Variants in SPON1 observed in about 807,000 individuals in gnomAD.
SPON1 encodes the protein spondin 1.
A neutral mutation model predicts 111.7 loss-of-function variants in SPON1; 52 were observed. The ratio of observed to expected loss-of-function variants is 0.47; its 90% CI spans 0.37 to 0.59. SPON1 has a LOEUF of 0.59. SPON1 is among the 20% of genes least tolerant of loss of function. The pLI, the probability that SPON1 is intolerant of heterozygous loss-of-function variation, is 0.00. For missense variants in SPON1, 957 were observed against 1,068.5 expected (o/e 0.90, Z 1.46); for synonymous variants, 410 against 395.8 (o/e 1.04, Z -0.43).
intron 6 of SPON1, among the ~76,000 whole-genome samples, chr11:14,225,255 G>A (rs1848724750): frequency 6.6e-6 from 1 of 152,106 alleles, no homozygotes; most frequent in South Asian, 2.1e-4. Context: ...TTATCTGTGG[G>A]TAGTGGGATT....
chr11:14,019,428 T>TTA (rs1234436939), intron 2 of SPON1, among the ~76,000 whole-genome samples: 1 of 150,642 alleles, frequency 6.6e-6, no homozygotes, highest in Non-Finnish European at 1.5e-5. Flanking sequence ...TTGTATATGA[T>TTA]TATATATATA....
chr11:14,195,776 G>T (rs1290284032), intron 6 of SPON1, among the ~76,000 whole-genome samples: 1 of 152,120 alleles, frequency 6.6e-6, no homozygotes, highest in African/African-American at 2.4e-5. Flanking sequence ...GAGTGGATTT[G>T]GGAGTCACAG....
At chr11:14,124,444 T>C (rs1433101725) in intron 5 of SPON1, among the ~76,000 whole-genome samples, 1 of 152,202 alleles carries the variant, frequency 6.6e-6, no homozygotes, top group Non-Finnish European at 1.5e-5. Context: ...TGTGTTTGCC[T>C]TTATCAAAGT....
rs575317363 is a variant in SPON1, at chr11:14,092,535, T to A, written c.676+12514T>A. 1.2e-4 allele frequency among the ~76,000 whole-genome samples: 19 copies of A among 152,300 alleles called. No homozygotes were observed. In the East Asian group the frequency reaches 3.3e-3, roughly 26 times the overall value. ...GCAGGTGGGCCACATCTGCCGAGGC[T>A]CTTCTCAACCATTTTACAAAATGGT... On this transcript the variant is annotated intron_variant, in intron 5 of 15. Transcript: ENST00000576479.
intron 6 of SPON1, among the ~76,000 whole-genome samples, chr11:14,177,321 T>G (rs1279433173): frequency 1.3e-5 from 2 of 152,048 alleles, no homozygotes; most frequent in East Asian, 3.9e-4. Flanking sequence ...ATTACGGTCA[T>G]GAACCACTGC....
At chr11:14,237,797 T>C (rs1848884066) in intron 6 of SPON1, among the ~76,000 whole-genome samples, 2 of 152,232 alleles carry the variant, frequency 1.3e-5, no homozygotes, top group South Asian at 4.1e-4. Context: ...GAACATGGTC[T>C]GATATTCTTC....
intron 2 of SPON1, among the ~76,000 whole-genome samples, chr11:14,014,425 CTG>C (rs1554914089): frequency 6.6e-6 from 1 of 152,172 alleles, no homozygotes; most frequent in Non-Finnish European, 1.5e-5. Context: ...TCCAGATAAA[CTG>C]TTAGTGCATC....
intron 7 of SPON1, 112 bp from the exon 8 acceptor site, chr11:14,254,416 G>A (rs1301515676): frequency 3.0e-5 from 30 of 987,752 alleles, no homozygotes; most frequent in East Asian, 1.0e-4. Flanking sequence ...GGGAGACCAC[G>A]AATGTGGATA....
intron 6 of SPON1, among the ~76,000 whole-genome samples, chr11:14,202,771 C>G (rs975651126): frequency 1.3e-5 from 2 of 152,154 alleles, no homozygotes; most frequent in African/African-American, 4.8e-5. Context: ...ATTTTACTCA[C>G]TCAACTCTCA....
intron 5 of SPON1, among the ~76,000 whole-genome samples, chr11:14,130,029 A>T (rs1847509411): frequency 1.3e-5 from 2 of 152,182 alleles, no homozygotes; most frequent in Non-Finnish European, 2.9e-5. Context: ...ACAACTCGGG[A>T]TGAAATTCAG....
At chr11:14,017,881 C>T (rs1848454582) in intron 2 of SPON1, among the ~76,000 whole-genome samples, 1 of 152,172 alleles carries the variant, frequency 6.6e-6, no homozygotes. Context: ...TTTTAGGCCC[C>T]TTGTGTTTTT....
At chr11:13,982,293 G>A (rs886384380) in intron 1 of SPON1, among the ~76,000 whole-genome samples, 4 of 152,094 alleles carry the variant, frequency 2.6e-5, no homozygotes, top group African/African-American at 9.7e-5. Context: ...TTATCTGCAG[G>A]GGGCTACTGT....
rs541505390 is a variant in SPON1 at position 13,981,750 on chromosome 11, C to T, written c.239-1097C>T. 2.2e-4 allele frequency among the ~76,000 whole-genome samples: 34 copies of T among 152,298 alleles called. No homozygotes were observed. In the South Asian group the frequency reaches 6.6e-3, roughly 30 times the overall value. The stretch of plus-strand genomic sequence containing the variant: ...AACATAAGTTTATTTCCAGCTCATG[C>T]GAAGTACAGTATGGATGTTTCTGGT... On this transcript the variant is annotated intron_variant, in intron 1 of 15. Transcript: ENST00000576479.
chr11:14,050,672 G>A (rs1461542072), intron 3 of SPON1, among the ~76,000 whole-genome samples: 3 of 152,084 alleles, frequency 2.0e-5, no homozygotes, highest in Non-Finnish European at 1.5e-5. Context: ...TGAAGGGTGG[G>A]GGTGGTGATT....
chr11:13,973,687 G>C (rs1457456894), intron 1 of SPON1, among the ~76,000 whole-genome samples: 1 of 152,164 alleles, frequency 6.6e-6, no homozygotes, highest in Non-Finnish European at 1.5e-5. Context: ...TTTAGCAAAT[G>C]TTTTTATATA....
intron 3 of SPON1, among the ~76,000 whole-genome samples, chr11:14,073,604 T>G (rs1554921128): frequency 6.6e-6 from 1 of 152,158 alleles, no homozygotes; most frequent in Non-Finnish European, 1.5e-5. Flanking sequence ...CTGCCACCTT[T>G]TTTCAGGGGA....
At chr11:14,244,242 C>T (rs921459519) in intron 7 of SPON1, among the ~76,000 whole-genome samples, 4 of 152,284 alleles carry the variant, frequency 2.6e-5, no homozygotes, top group African/African-American at 9.6e-5. Flanking sequence ...AAATACCGGC[C>T]AGGCGCAGTG....
chr11:14,111,714 C>T (rs1021127772), intron 5 of SPON1, among the ~76,000 whole-genome samples: 2 of 152,172 alleles, frequency 1.3e-5, no homozygotes, highest in Non-Finnish European at 2.9e-5. Flanking sequence ...TCCTGCCAAA[C>T]ATCCTCCCAA....
At chr11:14,105,568 A>G (rs1564906402) in intron 5 of SPON1, among the ~76,000 whole-genome samples, 2 of 152,036 alleles carry the variant, frequency 1.3e-5, no homozygotes. Flanking sequence ...TTATTGATTC[A>G]TACTTCCCAT....
Sources: gnomAD v4.1 joint callset for allele counts (sites outside exome capture counted in the v4.1 genomes callset) on GRCh38, gnomAD v4.1.1 for gene constraint, MANE v1.5 for transcripts, NCBI Gene and HGNC (gene_info 2026-07-23, HGNC 2026-07-21) for gene names.